GRM2: variants seen among roughly 807,000 people sequenced by gnomAD.
GRM2 encodes metabotropic glutamate receptor 2.
In GRM2, 35 loss-of-function variants were observed where a neutral mutation model predicts 60.4. The ratio of observed to expected loss-of-function variants is 0.58; its 90% CI spans 0.44 to 0.77. The LOEUF is 0.77. Ranked by LOEUF, GRM2 falls within the 30% of genes least tolerant of loss-of-function variation. The probability of loss-of-function intolerance (pLI) is 0.00; values close to 1 mark genes in which losing one functional copy is unlikely to be tolerated. For synonymous variants in GRM2, 437 were observed against 484.1 expected, an observed-to-expected ratio of 0.90 and a Z score of 1.28; for missense variants, 925 against 1,199.5, an observed-to-expected ratio of 0.77 and a Z score of 3.38.
rs1320167404 is a variant in GRM2, at chr3:51,718,248, C to G, written c.*136C>G. On this transcript the variant is annotated 3_prime_UTR_variant, in exon 6 of 6. Transcript: ENST00000395052. The surrounding 1 kb of genome is among the most constrained non-coding windows in gnomAD (Gnocchi z 4.2). ...TATGTCTGCCCCCAAAGTCACTTACCCACCTCCTTACCCCAGCTCTTCAGA... is the reference window on the plus strand; with the variant it reads ...TATGTCTGCCCCCAAAGTCACTTACGCACCTCCTTACCCCAGCTCTTCAGA... 4 of 769,162 alleles carry G rather than the reference C, an allele frequency of 5.2e-6. No individual in the cohort carries two copies. In the Admixed American group the frequency reaches 7.2e-5, roughly 14 times the overall value. 47.6% of individuals were successfully genotyped at this position (769,162 alleles called of 1,614,324 possible). A position where few individuals can be genotyped will look rare whatever the true frequency, so the allele number is the denominator to read the frequency against.
chr3:51,711,402 A>T (rs1446620253), intron 2 of GRM2: 1 of 152,604 alleles, frequency 6.6e-6, no homozygotes, highest in Non-Finnish European at 1.5e-5. Context: ...GGGCTCATGC[A>T]TTTATCTCCA....
chr3:51,712,785 C>T lies in GRM2; in HGVS notation c.763C>T (p.Arg255Ter), dbSNP rs1467829905. The T allele has an allele frequency of 1.2e-5, 19 of 1,612,910 alleles. No individual in the cohort carries two copies. Among genetic ancestry groups the T allele is most frequent in the Non-Finnish European group, 1.0e-5 (12 of 1,180,048 alleles). ...MSRAAFEGVV[R>*]ALLQKPSARV... Reference sequence around the variant, plus strand: ...CCGCGCGGCCTTTGAGGGTGTGGTGCGAGCCCTGCTGCAGAAGCCCAGTGC... The same window carrying T: ...CCGCGCGGCCTTTGAGGGTGTGGTGTGAGCCCTGCTGCAGAAGCCCAGTGC... The change falls in exon 3 of 6, where the codon CGA becomes TGA. Residue 255 changes from arginine to a stop codon, truncating the protein, a stop_gained. Transcript: ENST00000395052. LOFTEE classifies it high-confidence loss of function. The surrounding 1 kb of genome is among the most constrained non-coding windows in gnomAD (Gnocchi z 5.3).
Position 51,712,705 on chromosome 3 carries a change from C to T in GRM2, c.683C>T (p.Ala228Val). ...GGCATTGAGGCCTTTGAGCTAGAGG[C>T]TCGTGCCCGCAACATCTGTGTGGCC... is the stretch of plus-strand genomic sequence containing the variant. ...ETGIEAFELE[A>V]RARNICVATS... Residue 228 changes from alanine to valine, a missense_variant, in exon 3 of 6, where the codon GCT becomes GTT. Ala to Val is a moderately conservative substitution (Grantham distance 64). Coordinates refer to ENST00000395052, the MANE Select transcript of GRM2 (RefSeq NM_000839.5). This position sits in a 1 kb window ranked among gnomAD's most constrained non-coding sequence, Gnocchi z 5.3. 6.2e-7 allele frequency: 1 copy of T among 1,613,818 alleles called. No individual in the cohort carries two copies. Among genetic ancestry groups the T allele is most frequent in the Non-Finnish European group, 8.5e-7 (1 of 1,180,024 alleles).
rs757705064 is a variant in GRM2 at position 51,715,483 on chromosome 3, A to T, written c.1710A>T (p.Gly570=). The change falls in exon 4 of 6, where the codon GGA becomes GGT. Residue 570 remains glycine, a synonymous_variant. Transcript: ENST00000395052. This position sits in a 1 kb window ranked among gnomAD's most constrained non-coding sequence, Gnocchi z 9.0. ...YIRWGDAWAV[G]PVTIACLGAL... ...GCTGGGGCGATGCCTGGGCTGTGGG[A>T]CCTGTCACCATCGCCTGCCTCGGTG... 4 of 1,612,908 alleles carry T rather than the reference A, an allele frequency of 2.5e-6. No individual in the cohort carries two copies. The South Asian group carries it at 4.4e-5, about 18-fold the overall frequency.
chr3:51,712,748 C>A lies in GRM2; in HGVS notation c.726C>A (p.Gly242=), dbSNP rs145616522. 2.5e-6 allele frequency: 4 copies of A among 1,613,412 alleles called. No homozygotes were observed. The African/African-American group carries it at 5.3e-5, about 22-fold the overall frequency. The stretch of plus-strand genomic sequence containing the variant: ...GTGTGGCCACCTCGGAGAAAGTGGG[C>A]CGTGCCATGAGCCGCGCGGCCTTTG... ...NICVATSEKV[G]RAMSRAAFEG... The change falls in exon 3 of 6, where the codon GGC becomes GGA. Residue 242 remains glycine, a synonymous_variant. Coordinates refer to ENST00000395052, the MANE Select transcript of GRM2 (RefSeq NM_000839.5). This position sits in a 1 kb window ranked among gnomAD's most constrained non-coding sequence, Gnocchi z 5.3.
chr3:51,717,535 A>T lies in GRM2; in HGVS notation c.2365-102A>T. Reference sequence around the variant, plus strand: ...CAAATGGACCACAGCCCAGTGTTGGATGCTTAGTCTCCCCCACTCCCTCCC... The same window carrying T: ...CAAATGGACCACAGCCCAGTGTTGGTTGCTTAGTCTCCCCCACTCCCTCCC... On this transcript the variant is annotated intron_variant, in intron 4 of 5. Coordinates refer to ENST00000395052, the MANE Select transcript of GRM2 (RefSeq NM_000839.5). The surrounding 1 kb of genome is among the most constrained non-coding windows in gnomAD (Gnocchi z 6.0). 1 of 891,406 alleles carries T rather than the reference A, an allele frequency of 1.1e-6. No homozygotes were observed. The allele number at this position is 891,406 out of a possible 1,614,324, so 55.2% of individuals were successfully genotyped here.
At position 51,713,618 on chromosome 3, in the gene GRM2, A is replaced by T; in HGVS notation, c.1288+308A>T. ...TATCTTGCCAAAGGTGGAGACCAGGAGACCTCAAGCCCATTCTCAGGCAGC... is the reference window on the plus strand; with the variant it reads ...TATCTTGCCAAAGGTGGAGACCAGGTGACCTCAAGCCCATTCTCAGGCAGC... On this transcript the variant is annotated intron_variant, in intron 3 of 5. Coordinates refer to ENST00000395052, the MANE Select transcript of GRM2 (RefSeq NM_000839.5). This position sits in a 1 kb window ranked among gnomAD's most constrained non-coding sequence, Gnocchi z 4.8. The T allele has an allele frequency of 2.5e-6, 1 of 398,196 alleles. No homozygotes were observed. Among genetic ancestry groups the T allele is most frequent in the South Asian group, 3.8e-5 (1 of 26,242 alleles). The allele number at this position is 398,196 out of a possible 1,614,324, so 24.7% of individuals were successfully genotyped here. A position where few individuals can be genotyped will look rare whatever the true frequency, so the allele number is the denominator to read the frequency against.
intron 1 of GRM2, chr3:51,708,055 C>G (rs2107081619): frequency 6.6e-6 from 1 of 152,338 alleles, no homozygotes; most frequent in South Asian, 2.1e-4. Flanking sequence ...GGCACAAAAT[C>G]TCAAGCAGTG....
Position 51,718,102 on chromosome 3 carries a change from C to T in GRM2, c.2609C>T (p.Ser870Leu), listed in dbSNP as rs1283553487. ...NGREVVDSTT[S>L]SL ...CGTGAGGTGGTGGACTCGACAACGT[C>T]ATCGCTTTGAAGACCCCATACTCCC... Residue 870 changes from serine to leucine, a missense_variant, in exon 6 of 6, where the codon TCA becomes TTA. Ser to Leu is a moderately radical substitution (Grantham distance 145, BLOSUM62 -2). Transcript: ENST00000395052. This position sits in a 1 kb window ranked among gnomAD's most constrained non-coding sequence, Gnocchi z 4.2. 2.5e-6 allele frequency: 4 copies of T among 1,613,874 alleles called. No homozygotes were observed. The highest frequency in any genetic ancestry group is 1.3e-5 in the African/African-American group (1 of 74,936).
chr3:51,715,734 C>A lies in GRM2; in HGVS notation c.1961C>A (p.Thr654Asn). Residue 654 changes from threonine to asparagine, a missense_variant, in exon 4 of 6, where the codon ACC becomes AAC. Transcript: ENST00000395052. This position sits in a 1 kb window ranked among gnomAD's most constrained non-coding sequence, Gnocchi z 9.0. ...SVCYSALLTKTNRIARIFGGA... is the reference protein window; with the variant it reads ...SVCYSALLTKNNRIARIFGGA... ...TGCTACTCAGCCCTGCTCACCAAGA[C>A]CAACCGCATTGCACGCATCTTCGGT... The A allele has an allele frequency of 6.2e-7, 1 of 1,614,186 alleles. No individual in the cohort carries two copies. Among genetic ancestry groups the A allele is most frequent in the Non-Finnish European group, 8.5e-7 (1 of 1,180,008 alleles).
rs777912992 is a variant in GRM2, at chr3:51,713,247, G to A, written c.1225G>A (p.Ala409Thr). ...LCPNTTRLCD[A>T]MRPVNGRRLY... Reference sequence around the variant, plus strand: ...CCCCAACACCACCCGGCTCTGTGACGCGATGCGGCCAGTTAACGGGCGCCG... The same window carrying A: ...CCCCAACACCACCCGGCTCTGTGACACGATGCGGCCAGTTAACGGGCGCCG... The change falls in exon 3 of 6, where the codon GCG becomes ACG. Residue 409 changes from alanine (A) to threonine (T), a missense_variant. Coordinates refer to ENST00000395052, the MANE Select transcript of GRM2 (RefSeq NM_000839.5). This position sits in a 1 kb window ranked among gnomAD's most constrained non-coding sequence, Gnocchi z 4.8. 3.1e-6 allele frequency: 5 copies of A among 1,613,054 alleles called. No homozygotes were observed. The highest frequency in any genetic ancestry group is 1.1e-5 in the South Asian group (1 of 91,084).
rs939438275 is a variant in GRM2 at position 51,716,688 on chromosome 3, G to A, written c.2364+551G>A. Reference sequence around the variant, plus strand: ...GGGTGGTCAGGGAAGCCCTCTCTGAGGAGGTGACAGATGAGCTATGTTCTG... The same window carrying A: ...GGGTGGTCAGGGAAGCCCTCTCTGAAGAGGTGACAGATGAGCTATGTTCTG... On this transcript the variant is annotated intron_variant, in intron 4 of 5. Coordinates refer to ENST00000395052, the MANE Select transcript of GRM2 (RefSeq NM_000839.5). The surrounding 1 kb of genome is among the most constrained non-coding windows in gnomAD (Gnocchi z 4.0). Among the ~76,000 whole-genome samples, 2 of 152,186 alleles carry A rather than the reference G, an allele frequency of 1.3e-5. No homozygotes were observed. The highest frequency in any genetic ancestry group is 2.9e-5 in the Non-Finnish European group (2 of 68,028).
chr3:51,717,297 TCAC>T lies in GRM2; in HGVS notation c.2365-335_2365-333del, dbSNP rs777816587. ...CACTCACGCAGACACCTGCAGAAATTCACCACCCCACATACATGCACTTACACA... is the reference window on the plus strand; with the variant it reads ...CACTCACGCAGACACCTGCAGAAATTCACCCCACATACATGCACTTACACA... On this transcript the variant is annotated intron_variant, in intron 4 of 5. Transcript: ENST00000395052. This position sits in a 1 kb window ranked among gnomAD's most constrained non-coding sequence, Gnocchi z 6.0. Among the ~76,000 whole-genome samples the T allele has an allele frequency of 6.6e-6, 1 of 151,938 alleles. No homozygotes were observed. The highest frequency in any genetic ancestry group is 1.5e-5 in the Non-Finnish European group (1 of 67,964).
chr3:51,715,504 C>T lies in GRM2; in HGVS notation c.1731C>T (p.Leu577=), dbSNP rs778457396. ...WAVGPVTIAC[L]GALATLFVLG... ...TGGGACCTGTCACCATCGCCTGCCT[C>T]GGTGCCCTGGCCACCCTCTTTGTGC... The change falls in exon 4 of 6, where the codon CTC becomes CTT. Residue 577 remains leucine, a synonymous_variant. Transcript: ENST00000395052. The surrounding 1 kb of genome is among the most constrained non-coding windows in gnomAD (Gnocchi z 9.0). 4.0e-5 allele frequency: 65 copies of T among 1,613,180 alleles called. No individual in the cohort carries two copies. In the South Asian group the frequency reaches 4.2e-4, roughly 10 times the overall value.
Position 51,712,932 on chromosome 3 carries a change from G to A in GRM2, c.910G>A (p.Val304Met). ...SDGWGALESV[V>M]AGSEGAAEGA... ...TGGTTGGGGGGCCCTGGAGAGTGTGGTGGCAGGCAGTGAGGGGGCTGCTGA... is the reference window on the plus strand; with the variant it reads ...TGGTTGGGGGGCCCTGGAGAGTGTGATGGCAGGCAGTGAGGGGGCTGCTGA... The change falls in exon 3 of 6, where the codon GTG (valine) becomes ATG (methionine). Residue 304 changes from valine to methionine, a missense_variant. Val to Met is a conservative substitution (Grantham distance 21, BLOSUM62 1). Transcript: ENST00000395052. This position sits in a 1 kb window ranked among gnomAD's most constrained non-coding sequence, Gnocchi z 5.3. 1.2e-6 allele frequency: 2 copies of A among 1,613,072 alleles called. No individual in the cohort carries two copies. Among genetic ancestry groups the A allele is most frequent in the South Asian group, 2.2e-5 (2 of 91,088 alleles).
chr3:51,713,885 T>G lies in GRM2; in HGVS notation c.1288+575T>G. 1 of 427,364 alleles carries G rather than the reference T, an allele frequency of 2.3e-6. No homozygotes were observed. 26.5% of individuals were successfully genotyped at this position (427,364 alleles called of 1,614,324 possible). On this transcript the variant is annotated intron_variant, in intron 3 of 5. Transcript: ENST00000395052. This position sits in a 1 kb window ranked among gnomAD's most constrained non-coding sequence, Gnocchi z 4.8. ...GATCCTTCTGCCTCAGTCTCCAGAGTAGCTAGGATGACAGGCATGTGGCAC... is the reference window on the plus strand; with the variant it reads ...GATCCTTCTGCCTCAGTCTCCAGAGGAGCTAGGATGACAGGCATGTGGCAC...
At chr3:51,709,461 TAGGG>T in intron 2 of GRM2, 28 bp downstream of exon 2, 1 of 1,464,236 alleles carries the variant, frequency 6.8e-7, no homozygotes. Context: ...AAATGGGGGC[TAGGG>T]AGGGAGGCCG....
In GRM2 at chr3:51,709,142, C is replaced by G; in HGVS notation, c.159C>G (p.Val53=). The change falls in exon 2 of 6, where the codon GTC becomes GTG. Residue 53 remains valine, a synonymous_variant. Coordinates refer to ENST00000395052, the MANE Select transcript of GRM2 (RefSeq NM_000839.5). Reference sequence around the variant, plus strand: ...GCCCAGCAGAGGACTGTGGTCCTGTCAATGAGCACCGTGGCATCCAGCGCC... The same window carrying G: ...GCCCAGCAGAGGACTGTGGTCCTGTGAATGAGCACCGTGGCATCCAGCGCC... The part of the protein sequence containing the change: ...KGGPAEDCGP[V]NEHRGIQRLE... 6.2e-6 allele frequency: 10 copies of G among 1,612,490 alleles called. No homozygotes were observed. Among genetic ancestry groups the G allele is most frequent in the Non-Finnish European group, 8.5e-6 (10 of 1,179,576 alleles).
At position 51,715,329 on chromosome 3, in the gene GRM2, G is replaced by T; in HGVS notation, c.1556G>T (p.Cys519Phe). ...AGTGTGCAGCCGGGCGAAGTCTGCT[G>T]CTGGCTCTGCATTCCGTGCCAGCCC... ...VKSVQPGEVC[C>F]WLCIPCQPYE... The change falls in exon 4 of 6, where the codon TGC becomes TTC. Residue 519 changes from cysteine (C) to phenylalanine (F), a missense_variant. Transcript: ENST00000395052. This position sits in a 1 kb window ranked among gnomAD's most constrained non-coding sequence, Gnocchi z 9.0. 6.2e-7 allele frequency: 1 copy of T among 1,613,796 alleles called. No homozygotes were observed. The highest frequency in any genetic ancestry group is 8.5e-7 in the Non-Finnish European group (1 of 1,179,948).
Sources: allele counts gnomAD v4.1 joint callset (sites outside exome capture counted in the v4.1 genomes callset), GRCh38; gene constraint gnomAD v4.1.1; non-coding constraint Gnocchi (gnomAD v3.1); transcripts MANE v1.5; gene names NCBI Gene and HGNC (gene_info 2026-07-23, HGNC 2026-07-21).